Variants in KANK1 observed in about 807,000 individuals in gnomAD.
KANK1 encodes KN motif and ankyrin repeat domains 1.
KANK1 carries 109 observed loss-of-function variants against 106.2 expected under a neutral mutation model. That is an observed-to-expected ratio of 1.03 (90% CI 0.88 to 1.20). The LOEUF is 1.20. Ranked by LOEUF, KANK1 falls within the 50% of genes most tolerant of loss-of-function variation. KANK1 has a pLI of 0.00. For missense variants in KANK1, 2,399 were observed against 1,710.7 expected, an observed-to-expected ratio of 1.40 and a Z score of -7.10; for synonymous variants, 873 against 652.2, an observed-to-expected ratio of 1.34 and a Z score of -5.16.
chr9:470,934 C>T (rs1327944925), intron 2 of KANK1: 1 of 152,182 alleles, frequency 6.6e-6, no homozygotes, highest in Non-Finnish European at 1.5e-5. Flanking sequence ...CATTCTTATC[C>T]AAGTAGGTGC....
At chr9:611,701 A>G (rs1830587274) in intron 1 of KANK1, among the ~76,000 whole-genome samples, 1 of 152,108 alleles carries the variant, frequency 6.6e-6, no homozygotes. Context: ...TATTTTTGTA[A>G]TCTTCATCAC....
At chr9:550,191 C>T (rs1329366629) in intron 1 of KANK1, among the ~76,000 whole-genome samples, 3 of 152,020 alleles carry the variant, frequency 2.0e-5, no homozygotes, top group Admixed American at 1.3e-4. Context: ...GTAGGTTCCC[C>T]CACCCCAACC....
intron 1 of KANK1, among the ~76,000 whole-genome samples, chr9:525,350 CGTGTGTGTGTGT>C (rs35296364): frequency 1.4e-4 from 19 of 140,558 alleles, no homozygotes; most frequent in South Asian, 2.3e-4. Flanking sequence ...TGTATACATA[CGTGTGTGTGTGT>C]GTGTGTGTGT....
chr9:673,109 A>C (rs1471019365), intron 1 of KANK1, among the ~76,000 whole-genome samples: 1 of 152,082 alleles, frequency 6.6e-6, no homozygotes, highest in Non-Finnish European at 1.5e-5. Context: ...GCCTGTCAGC[A>C]TGAATAATAA....
rs1009897961 is a variant in KANK1, at chr9:712,301, T to C, written c.1535T>C (p.Phe512Ser). 4 of 1,614,044 alleles carry C rather than the reference T, an allele frequency of 2.5e-6. No individual in the cohort carries two copies. The highest frequency in any genetic ancestry group is 2.5e-6 in the Non-Finnish European group (3 of 1,180,044). ...GCCACGATGGCCCAGCCGCTTGTTT[T>C]CAGTAAGGTGGTGGAGGCAGTGGTG... Reference protein sequence around the residue: ...DKATMAQPLVFSKVVEAVVQT... With the variant: ...DKATMAQPLVSSKVVEAVVQT... The change falls in exon 3 of 12, where the codon TTC becomes TCC. Residue 512 changes from phenylalanine (F) to serine (S), a missense_variant. By Grantham distance (155) the Phe-to-Ser change is radical. Transcript: ENST00000382297.
intron 1 of KANK1, among the ~76,000 whole-genome samples, chr9:640,302 C>T (rs1838116658): frequency 6.6e-6 from 1 of 150,996 alleles, no homozygotes; most frequent in Admixed American, 6.6e-5. Flanking sequence ...AGTGTGTGAT[C>T]TCGGCTCTCT....
chr9:600,983 G>C (rs1307318957), intron 1 of KANK1, among the ~76,000 whole-genome samples: 1 of 151,614 alleles, frequency 6.6e-6, no homozygotes, highest in East Asian at 1.9e-4. Flanking sequence ...ACCTTTCTGT[G>C]CTCTGTCATA....
rs141191594 is a variant in KANK1, at chr9:693,020, T to C, written c.37+16011T>C. On this transcript the variant is annotated intron_variant, in intron 2 of 11. Coordinates refer to ENST00000382297, the MANE Select transcript of KANK1 (RefSeq NM_015158.5). ...CTATCTCAAAAAAGAACTTTTTTTT[T>C]TTTTAGGTAATGAATTTAAATCATT... 5.8e-4 allele frequency among the ~76,000 whole-genome samples: 89 copies of C among 152,162 alleles called. 2 individuals carry two copies. The highest frequency in any genetic ancestry group is 2.1e-3 in the African/African-American group (86 of 41,506).
In KANK1 at chr9:652,275, C is replaced by T. The variant is rs367647060; in HGVS notation, c.-83-24615C>T. On this transcript the variant is annotated intron_variant, in intron 1 of 11. Coordinates refer to ENST00000382297, the MANE Select transcript of KANK1 (RefSeq NM_015158.5). ...ACGGTTTACTCCTGTAATCCCAGCA[C>T]TTTGGGAGGCTAAGGCGGGTGGATC... Among the ~76,000 whole-genome samples the T allele has an allele frequency of 1.1e-3, 167 of 152,260 alleles. 1 individual carries two copies. The highest frequency in any genetic ancestry group is 3.5e-3 in the African/African-American group (144 of 41,522).
At chr9:506,674 G>C (rs545610087) in intron 1 of KANK1, among the ~76,000 whole-genome samples, 3 of 152,308 alleles carry the variant, frequency 2.0e-5, no homozygotes, top group Middle Eastern at 6.8e-3. Flanking sequence ...ATGGCCACTG[G>C]AATTGATACA....
intron 1 of KANK1, among the ~76,000 whole-genome samples, chr9:646,733 A>G (rs1839755965): frequency 6.7e-6 from 1 of 148,734 alleles, no homozygotes; most frequent in Non-Finnish European, 1.5e-5. Flanking sequence ...TCTGTCACCC[A>G]GGCTGGAGTG....
intron 7 of KANK1, among the ~76,000 whole-genome samples, chr9:738,068 T>A (rs1178746926): frequency 6.6e-6 from 1 of 151,684 alleles, no homozygotes; most frequent in East Asian, 2.0e-4. Context: ...TGCTGTCTGG[T>A]CTCCTTTATA....
intron 10 of KANK1, among the ~76,000 whole-genome samples, chr9:742,875 T>A (rs1176589571): frequency 6.6e-6 from 1 of 152,228 alleles, no homozygotes; most frequent in African/African-American, 2.4e-5. Flanking sequence ...GTGAGTAGCT[T>A]GTGACACAAC....
chr9:735,109 C>T (rs973163089), intron 7 of KANK1, among the ~76,000 whole-genome samples: 12 of 152,172 alleles, frequency 7.9e-5, no homozygotes, highest in Non-Finnish European at 1.8e-4. Context: ...AGACAGAAAG[C>T]AGGGCTAATT....
At chr9:678,902 G>A (rs972126026) in intron 2 of KANK1, among the ~76,000 whole-genome samples, 1 of 152,144 alleles carries the variant, frequency 6.6e-6, no homozygotes, top group Non-Finnish European at 1.5e-5. Context: ...GGGAAGGGGT[G>A]TTTAAGATTG....
At chr9:492,568 C>CTTAA (rs774536468) in intron 3 of KANK1, among the ~76,000 whole-genome samples, 2 of 152,050 alleles carry the variant, frequency 1.3e-5, no homozygotes, top group Non-Finnish European at 2.9e-5. Context: ...ACATCACATG[C>CTTAA]TTAACATAGT....
intron 1 of KANK1, among the ~76,000 whole-genome samples, chr9:536,121 TGAG>T (rs2060286189): frequency 6.6e-6 from 1 of 152,110 alleles, no homozygotes; most frequent in East Asian, 1.9e-4. Flanking sequence ...GCGGATCACT[TGAG>T]GTCAGGAGTT....
At chr9:554,451 CT>C (rs1181846534) in intron 1 of KANK1, among the ~76,000 whole-genome samples, 2 of 152,220 alleles carry the variant, frequency 1.3e-5, no homozygotes, top group Non-Finnish European at 2.9e-5. Context: ...GGTCTTAACC[CT>C]TTTCCCACTT....
intron 1 of KANK1, among the ~76,000 whole-genome samples, chr9:669,104 TG>T (rs1419380129): frequency 6.6e-6 from 1 of 152,158 alleles, no homozygotes; most frequent in Non-Finnish European, 1.5e-5. Flanking sequence ...TTCCATCCCC[TG>T]ACATTTTGAC....
Sources: allele counts gnomAD v4.1 joint callset (sites outside exome capture counted in the v4.1 genomes callset), GRCh38; gene constraint gnomAD v4.1.1; transcripts MANE v1.5; gene names NCBI Gene and HGNC (gene_info 2026-07-23, HGNC 2026-07-21).